Variants in ZNF215 observed in about 807,000 individuals in gnomAD.
The protein encoded by ZNF215 is BWSCR2-associated zinc finger protein 2.
In ZNF215, 24 loss-of-function variants were observed where a neutral mutation model predicts 27.2. The ratio of observed to expected loss-of-function variants is 0.88; its 90% confidence interval spans 0.64 to 1.24. The LOEUF (loss-of-function observed/expected upper bound fraction) is 1.24. Among genes scored for constraint, ZNF215 ranks in the 50% most tolerant of loss-of-function variants. The probability of loss-of-function intolerance (pLI) is 0.00; values close to 1 mark genes in which losing one functional copy is unlikely to be tolerated. For synonymous variants in ZNF215, 210 were observed against 204.0 expected (o/e 1.03, Z -0.25); for missense variants, 675 against 605.7 (o/e 1.11, Z -1.20).
chr11:6,942,141 A>G (rs1478542948), intron 4 of ZNF215, among the ~76,000 whole-genome samples: 1 of 152,356 alleles, frequency 6.6e-6, no homozygotes, highest in Middle Eastern at 3.4e-3. Context: ...ACTAAAATGC[A>G]CTGGAATCTA....
intron 5 of ZNF215, among the ~76,000 whole-genome samples, chr11:6,980,600 T>C (rs1182204318): frequency 1.5e-5 from 2 of 134,478 alleles, no homozygotes; most frequent in Non-Finnish European, 3.2e-5. Context: ...CTGATCTTAG[T>C]TTACTTTTTA....
rs112699840 is a variant in ZNF215, at chr11:6,968,312, T to A, written c.805+12530T>A. 3.6e-3 allele frequency among the ~76,000 whole-genome samples: 541 copies of A among 152,304 alleles called. 3 individuals are homozygous for A. The highest frequency in any genetic ancestry group is 0.012 in the African/African-American group (516 of 41,570). ...TGAAATTTAAAGTAGTTTTTTCTAA[T>A]TCTGTGAAGAAAGTCAGTGGTAGCT... On this transcript the variant is annotated intron_variant, in intron 5 of 5. Coordinates refer to the ZNF215 transcript ENST00000529903.
intron 5 of ZNF215, among the ~76,000 whole-genome samples, chr11:6,971,869 CA>C (rs974858901): frequency 4.1e-4 from 63 of 152,216 alleles, no homozygotes; most frequent in Admixed American, 3.5e-3. Context: ...GTACATAAAG[CA>C]GGGTTAGCCA....
At chr11:6,953,464 T>C (rs554299057) in intron 6 of ZNF215, among the ~76,000 whole-genome samples, 1 of 152,344 alleles carries the variant, frequency 6.6e-6, no homozygotes, top group East Asian at 1.9e-4. Context: ...AAACCTCCTT[T>C]CTTGCTTCAT....
At chr11:6,934,059 A>G (rs1347502574) in intron 3 of ZNF215, among the ~76,000 whole-genome samples, 3 of 152,156 alleles carry the variant, frequency 2.0e-5, no homozygotes, top group Non-Finnish European at 4.4e-5. Context: ...ATGAGGAATT[A>G]TCGATTGGGG....
Position 6,957,365 on chromosome 11 carries a change from C to T in ZNF215, c.*834C>T, listed in dbSNP as rs959244369. On this transcript the variant is annotated 3_prime_UTR_variant, in exon 7 of 7. Coordinates refer to ENST00000278319, the MANE Select transcript of ZNF215 (RefSeq NM_013250.4). ...GTTAATTGACATATCTAAATTATCT[C>T]AGTCTGAGTTTGTGAGGAAGTGTGC... 4 of 210,708 alleles carry T rather than the reference C, an allele frequency of 1.9e-5. No individual in the cohort carries two copies. The highest frequency in any genetic ancestry group is 3.3e-5 in the Non-Finnish European group (4 of 121,758). The allele number at this position is 210,708 out of a possible 1,614,324, so 13.1% of individuals were successfully genotyped here. A position where few individuals can be genotyped will look rare whatever the true frequency, so the allele number is the denominator to read the frequency against.
rs1850350826 is a variant in ZNF215, at chr11:6,956,311, G to T, written c.1334G>T (p.Ser445Ile). The change falls in exon 7 of 7, where the codon AGT (serine) becomes ATT (isoleucine). Residue 445 changes from serine (S) to isoleucine (I), a missense_variant. Coordinates refer to ENST00000278319, the MANE Select transcript of ZNF215 (RefSeq NM_013250.4). ...AGCAATAAATGTGGAAAGGCCTTCA[G>T]TAAAAGTGAAGACAGTAATAATCCA... ...CTSNKCGKAF[S>I]KSEDSNNPTL... The T allele has an allele frequency of 6.2e-7, 1 of 1,614,038 alleles. No individual in the cohort carries two copies. Among genetic ancestry groups the T allele is most frequent in the African/African-American group, 1.3e-5 (1 of 74,928 alleles).
intron 2 of ZNF215, among the ~76,000 whole-genome samples, chr11:6,929,869 T>A (rs1352780555): frequency 6.6e-6 from 1 of 152,032 alleles, no homozygotes; most frequent in Non-Finnish European, 1.5e-5. Context: ...ACCTCGTGAA[T>A]GGCTGAGAAT....
downstream of ZNF215, among the ~76,000 whole-genome samples, chr11:6,992,802 ATTG>A (rs1475947609): frequency 6.6e-6 from 1 of 151,258 alleles, no homozygotes; most frequent in Non-Finnish European, 1.5e-5. Context: ...TAGTCACATT[ATTG>A]TTAAGTAAAC....
chr11:6,943,168 G>A lies in ZNF215; in HGVS notation c.569G>A (p.Arg190Lys), dbSNP rs747544842. The change falls in exon 5 of 7, where the codon AGG becomes AAG. Residue 190 changes from arginine (R) to lysine (K), a missense_variant. Transcript: ENST00000278319. ...QLDSAVKNLYRNVMLENFRNL... is the reference protein window; with the variant it reads ...QLDSAVKNLYKNVMLENFRNL... Reference sequence around the variant, plus strand: ...GACTCTGCTGTAAAGAACCTGTACAGGAATGTGATGCTGGAAAACTTTAGG... The same window carrying A: ...GACTCTGCTGTAAAGAACCTGTACAAGAATGTGATGCTGGAAAACTTTAGG... 1 of 1,613,856 alleles carries A rather than the reference G, an allele frequency of 6.2e-7. No homozygotes were observed. Among genetic ancestry groups the A allele is most frequent in the East Asian group, 2.2e-5 (1 of 44,872 alleles).
chr11:6,937,953 G>C (rs1328885967), intron 3 of ZNF215, among the ~76,000 whole-genome samples: 2 of 151,800 alleles, frequency 1.3e-5, no homozygotes, highest in African/African-American at 4.8e-5. Flanking sequence ...TCAATGCTTA[G>C]CTATGACACC....
chr11:6,994,374 C>A (rs1851154147), intron 6 of ZNF215, among the ~76,000 whole-genome samples: 1 of 152,040 alleles, frequency 6.6e-6, no homozygotes, highest in South Asian at 2.1e-4. Flanking sequence ...TGGGACCTTT[C>A]TCAAAGCAGT....
At chr11:6,960,148 A>G (rs1850485595), downstream of ZNF215, among the ~76,000 whole-genome samples, 3 of 152,316 alleles carry the variant, frequency 2.0e-5, no homozygotes, top group African/African-American at 7.2e-5. Flanking sequence ...TAGACAACAT[A>G]TAAAAGGAAT....
Position 6,932,353 on chromosome 11 carries a change from A to G in ZNF215, c.81A>G (p.Ala27=), listed in dbSNP as rs147850409. 18 of 1,614,110 alleles carry G rather than the reference A, an allele frequency of 1.1e-5. No homozygotes were observed. The highest frequency in any genetic ancestry group is 1.3e-5 in the Non-Finnish European group (15 of 1,180,056). Residue 27 remains alanine (A), a synonymous_variant, in exon 3 of 7, where the codon GCA becomes GCG. Coordinates refer to ENST00000278319, the MANE Select transcript of ZNF215 (RefSeq NM_013250.4). ...GTGAACAAAGAGAGGTTCTGAGAGC[A>G]GATATGTCTTGGCAGCAGGAAACCA... ...SLREQREVLR[A]DMSWQQETNP... is the part of the protein sequence containing the mutation.
chr11:6,938,870 T>G (rs574550562), intron 3 of ZNF215, among the ~76,000 whole-genome samples: 116 of 152,302 alleles, frequency 7.6e-4, no homozygotes, highest in African/African-American at 2.7e-3. Context: ...TTCTTTAAAA[T>G]AGCTAATATG....
chr11:6,982,159 G>C (rs557844131), intron 5 of ZNF215, among the ~76,000 whole-genome samples: 1,620 of 152,108 alleles, frequency 0.011, 28 homozygotes, highest in African/African-American at 0.037. Flanking sequence ...GTCATTGGTA[G>C]CTTGATGGGG....
chr11:6,992,359 T>C (rs895740471), downstream of ZNF215, among the ~76,000 whole-genome samples: 4 of 152,320 alleles, frequency 2.6e-5, no homozygotes, highest in Admixed American at 1.3e-4. Context: ...ATAATTAATA[T>C]ATTGTCAAAG....
intron 5 of ZNF215, among the ~76,000 whole-genome samples, chr11:6,966,932 G>A (rs941722440): frequency 6.6e-6 from 1 of 151,870 alleles, no homozygotes; most frequent in African/African-American, 2.4e-5. Context: ...TCTGCATTAG[G>A]TATTTCTGCT....
intron 5 of ZNF215, among the ~76,000 whole-genome samples, chr11:6,965,479 C>CTGT (rs1850600627): frequency 4.9e-3 from 1 of 204 alleles, no homozygotes; most frequent in African/African-American, 0.01. Flanking sequence ...GTTTCTAGAA[C>CTGT]TATTTATAGA....
Sources: allele counts gnomAD v4.1 joint callset (sites outside exome capture counted in the v4.1 genomes callset), GRCh38; gene constraint gnomAD v4.1.1; transcripts MANE v1.5; gene names NCBI Gene and HGNC (gene_info 2026-07-23, HGNC 2026-07-21).